Variants in ALG14 observed in about 807,000 individuals in gnomAD.
ALG14 encodes the protein ALG14 UDP-N-acetylglucosaminyltransferase subunit, also known as UDP-N-acetylglucosamine transferase subunit ALG14.
ALG14 carries 17 observed loss-of-function variants against 22.8 expected under a neutral mutation model. The ratio of observed to expected loss-of-function variants is 0.75; its 90% CI spans 0.51 to 1.12. The LOEUF (loss-of-function observed/expected upper bound fraction) is 1.12. Ranked by LOEUF, ALG14 falls within the 50% of genes most tolerant of loss-of-function variation. The pLI, the probability that ALG14 is intolerant of heterozygous loss-of-function variation, is 0.00. For synonymous variants in ALG14, 89 were observed against 103.7 expected (o/e 0.86, Z 0.86); for missense variants, 288 against 271.8 (o/e 1.06, Z -0.42).
intron 3 of ALG14, among the ~76,000 whole-genome samples, chr1:94,995,484 A>G (rs1367829233): frequency 6.6e-6 from 1 of 152,218 alleles, no homozygotes; most frequent in East Asian, 1.9e-4. Context: ...AGGCCGAGGC[A>G]GGCAGATCAC....
At chr1:95,039,573 C>G (rs1339193227) in intron 2 of ALG14, among the ~76,000 whole-genome samples, 1 of 152,120 alleles carries the variant, frequency 6.6e-6, no homozygotes, top group African/African-American at 2.4e-5. Context: ...GACAGCACAT[C>G]ATGATTCACT....
At chr1:95,013,216 C>A (rs1673416025) in intron 3 of ALG14, among the ~76,000 whole-genome samples, 2 of 151,898 alleles carry the variant, frequency 1.3e-5, no homozygotes, top group South Asian at 4.2e-4. Context: ...AGAATTGTCT[C>A]ATTTTTCTAG....
intron 3 of ALG14, among the ~76,000 whole-genome samples, chr1:95,019,337 T>C (rs1173158895): frequency 1.3e-5 from 2 of 152,234 alleles, no homozygotes; most frequent in Non-Finnish European, 1.5e-5. Flanking sequence ...AGGGACCTTC[T>C]TGCTATTTTT....
At chr1:95,012,131 T>C (rs1450580767) in intron 3 of ALG14, among the ~76,000 whole-genome samples, 2 of 152,208 alleles carry the variant, frequency 1.3e-5, no homozygotes, top group African/African-American at 4.8e-5. Context: ...TTTTGCCTTC[T>C]ACCATGATTG....
At position 95,056,767 on chromosome 1, in the gene ALG14, T is replaced by C. The variant is rs1029819227; in HGVS notation, c.288+8099A>G. 4.0e-5 allele frequency among the ~76,000 whole-genome samples: 6 copies of C among 150,874 alleles called. 1 individual carries two copies. The East Asian group carries it at 1.5e-3, about 37-fold the overall frequency. On this transcript the variant is annotated intron_variant, in intron 2 of 3. Coordinates refer to ENST00000370205, the MANE Select transcript of ALG14 (RefSeq NM_144988.4). ...AAAGGAAAATATAAACATTAAAATC[T>C]AAAACTTCTGGCTGGGCGTGGTGGC...
chr1:95,005,418 T>G (rs917421826), intron 3 of ALG14, among the ~76,000 whole-genome samples: 3 of 146,514 alleles, frequency 2.0e-5, no homozygotes, highest in Non-Finnish European at 4.4e-5. Flanking sequence ...AACGAAATGG[T>G]CTATGACCTA....
intron 2 of ALG14, among the ~76,000 whole-genome samples, chr1:95,055,298 T>G (rs1334170924): frequency 6.6e-6 from 1 of 152,226 alleles, no homozygotes; most frequent in African/African-American, 2.4e-5. Context: ...CAAAGATTCA[T>G]AGTAAATTAT....
chr1:95,053,223 A>G (rs1362796073), intron 2 of ALG14, among the ~76,000 whole-genome samples: 1 of 152,178 alleles, frequency 6.6e-6, no homozygotes, highest in Non-Finnish European at 1.5e-5. Context: ...CCATGCAAAC[A>G]CTAACCAAAA....
At chr1:95,024,667 T>C (rs529364931) in intron 3 of ALG14, among the ~76,000 whole-genome samples, 2 of 152,160 alleles carry the variant, frequency 1.3e-5, no homozygotes, top group Admixed American at 1.3e-4. Flanking sequence ...ATCACCTCAG[T>C]CCACTCAGGG....
At chr1:94,999,169 C>T (rs1672989156) in intron 3 of ALG14, among the ~76,000 whole-genome samples, 1 of 151,620 alleles carries the variant, frequency 6.6e-6, no homozygotes, top group South Asian at 2.1e-4. Context: ...AAGCAGACTA[C>T]AAAGAGAGAG....
At chr1:95,016,607 C>G (rs190495878) in intron 3 of ALG14, among the ~76,000 whole-genome samples, 1 of 152,124 alleles carries the variant, frequency 6.6e-6, no homozygotes, top group African/African-American at 2.4e-5. Context: ...ACAGCAATGG[C>G]AGCTCCAGGA....
intron 2 of ALG14, chr1:95,041,593 C>T (rs1160565102): frequency 7.1e-6 from 1 of 141,678 alleles, no homozygotes; most frequent in Non-Finnish European, 1.5e-5. Context: ...CCAGCCTGGG[C>T]AGACAGTGAG....
chr1:94,997,374 C>T (rs1054633070), intron 3 of ALG14, among the ~76,000 whole-genome samples: 6 of 152,182 alleles, frequency 3.9e-5, no homozygotes, highest in African/African-American at 1.4e-4. Context: ...TGACTAAAAG[C>T]CGAATCTTGT....
intron 1 of ALG14, among the ~76,000 whole-genome samples, chr1:95,068,136 G>C (rs1050841050): frequency 1.3e-5 from 2 of 152,272 alleles, no homozygotes; most frequent in African/African-American, 4.8e-5. Flanking sequence ...GCAGGGATTT[G>C]TGTTTGTTAC....
At chr1:95,061,282 T>C (rs1351007512) in intron 2 of ALG14, among the ~76,000 whole-genome samples, 2 of 152,176 alleles carry the variant, frequency 1.3e-5, no homozygotes, top group Non-Finnish European at 2.9e-5. Flanking sequence ...CAGTATTGAT[T>C]CCTAAAACAA....
At chr1:95,035,063 T>C (rs544084627) in intron 2 of ALG14, among the ~76,000 whole-genome samples, 164 of 152,346 alleles carry the variant, frequency 1.1e-3, no homozygotes, top group African/African-American at 3.6e-3. Context: ...CTCAGAAATT[T>C]TGAGACTTTT....
intron 3 of ALG14, among the ~76,000 whole-genome samples, chr1:94,993,318 TATAA>T (rs1672824036): frequency 6.8e-6 from 1 of 146,370 alleles, no homozygotes; most frequent in Non-Finnish European, 1.5e-5. Flanking sequence ...TCTATCTTTA[TATAA>T]ATATATATTT....
chr1:95,055,928 T>C (rs1674915824), intron 2 of ALG14, among the ~76,000 whole-genome samples: 1 of 143,490 alleles, frequency 7.0e-6, no homozygotes, highest in African/African-American at 2.6e-5. Flanking sequence ...GAGAATGGCA[T>C]GAACCCAGGA....
At chr1:95,016,417 G>A (rs1293520346) in intron 3 of ALG14, among the ~76,000 whole-genome samples, 3 of 152,074 alleles carry the variant, frequency 2.0e-5, no homozygotes, top group Non-Finnish European at 4.4e-5. Context: ...AATTCTAAGT[G>A]TACAAATGCC....
Sources: allele counts gnomAD v4.1 joint callset (sites outside exome capture counted in the v4.1 genomes callset), GRCh38; gene constraint gnomAD v4.1.1; transcripts MANE v1.5; gene names NCBI Gene and HGNC (gene_info 2026-07-23, HGNC 2026-07-21).